The following DMD variants were observed in gnomAD, a reference collection of about 807,000 sequenced individuals.
DMD encodes mutant dystrophin.
A neutral mutation model predicts 330.1 loss-of-function variants in DMD; 63 were observed. The ratio of observed to expected loss-of-function variants is 0.19; its 90% confidence interval spans 0.16 to 0.24. DMD has a LOEUF of 0.24. Ranked by LOEUF, DMD falls within the 10% of genes least tolerant of loss-of-function variation. The probability of loss-of-function intolerance (pLI) is 1.00; values close to 1 mark genes in which losing one functional copy is unlikely to be tolerated. For missense variants in DMD, 3,344 were observed against 2,684.1 expected (o/e 1.25, Z -5.43); for synonymous variants, 1,223 against 959.8 (o/e 1.27, Z -5.07).
chrX:31,736,120 A>C (rs2086856276), intron 51 of DMD, among the ~76,000 whole-genome samples: 1 of 112,040 alleles, frequency 8.9e-6, no homozygotes, highest in Admixed American at 9.5e-5. Flanking sequence ...ATCTTGGCTG[A>C]AGCACTGGTT....
At chrX:31,620,595 AG>A (rs2078475581) in intron 55 of DMD, among the ~76,000 whole-genome samples, 1 of 109,631 alleles carries the variant, frequency 9.1e-6, no homozygotes, top group African/African-American at 3.3e-5. Flanking sequence ...TTGTATTTTT[AG>A]TAGAGACGGG....
chrX:32,752,251 G>A (rs2070922399), intron 7 of DMD, among the ~76,000 whole-genome samples: 1 of 111,437 alleles, frequency 9.0e-6, no homozygotes, highest in Admixed American at 9.5e-5. Flanking sequence ...CAGGAGGGAG[G>A]CTGTACCCTG....
At chrX:33,307,271 T>C (rs1223308903) in intron 1 of DMD, among the ~76,000 whole-genome samples, 1 of 112,128 alleles carries the variant, frequency 8.9e-6, no homozygotes. Context: ...TTCCACCTAA[T>C]AGACTTACAT....
chrX:33,053,560 C>T lies in DMD; in HGVS notation c.32-33360G>A, dbSNP rs151181847. Among the ~76,000 whole-genome samples, 1,074 of 110,164 alleles carry T rather than the reference C, an allele frequency of 9.7e-3. 31 individuals are homozygous for T. The highest frequency in any genetic ancestry group is 0.066 in the Admixed American group (674 of 10,213). On this transcript the variant is annotated intron_variant, in intron 1 of 78. Transcript: ENST00000357033. ...GCAGTGAGCCGAGATCACACCACTG[C>T]ACTCCAGCCTGGGTGACAGAGCAAG...
chrX:31,750,060 G>A (rs1406917486), intron 51 of DMD, among the ~76,000 whole-genome samples: 1 of 110,504 alleles, frequency 9.0e-6, no homozygotes, highest in Non-Finnish European at 1.9e-5. Flanking sequence ...TGTCAGATAA[G>A]CAGGTTGCGA....
intron 43 of DMD, among the ~76,000 whole-genome samples, chrX:32,275,698 T>C (rs1312397800): frequency 8.9e-6 from 1 of 111,863 alleles, no homozygotes; most frequent in East Asian, 2.8e-4. Flanking sequence ...AACTAGTTAC[T>C]TAGTAAATCA....
At chrX:32,736,924 G>GA (rs924492331) in intron 7 of DMD, among the ~76,000 whole-genome samples, 7 of 104,361 alleles carry the variant, frequency 6.7e-5, no homozygotes, top group Non-Finnish European at 9.9e-5. Context: ...AATAATAAAA[G>GA]AAAAAAAAAC....
At chrX:33,171,030 T>G (rs1051569349) in intron 1 of DMD, among the ~76,000 whole-genome samples, 8 of 112,059 alleles carry the variant, frequency 7.1e-5, no homozygotes, top group African/African-American at 2.6e-4. Context: ...AATTGATCTA[T>G]GTGTCAATCC....
chrX:31,869,582 C>T (rs2093857904), intron 48 of DMD, among the ~76,000 whole-genome samples: 1 of 108,604 alleles, frequency 9.2e-6, no homozygotes, highest in Non-Finnish European at 1.9e-5. Flanking sequence ...AGAACTAAAA[C>T]GTGACTGCCC....
chrX:31,519,256 T>G (rs1375463992), intron 55 of DMD, among the ~76,000 whole-genome samples: 1 of 112,114 alleles, frequency 8.9e-6, no homozygotes, highest in East Asian at 2.8e-4. Flanking sequence ...AGCTCTTATT[T>G]CTGGAATCTC....
chrX:32,760,315 C>T (rs1240326171), intron 7 of DMD, among the ~76,000 whole-genome samples: 1 of 100,911 alleles, frequency 9.9e-6, no homozygotes, highest in African/African-American at 3.8e-5. Flanking sequence ...TATTTAACAG[C>T]ATTATTCAAT....
intron 1 of DMD, among the ~76,000 whole-genome samples, chrX:33,026,344 A>AAAAAAAAAAAAAAAAAT (rs2094003214): frequency 1.0e-5 from 1 of 98,842 alleles, no homozygotes; most frequent in Non-Finnish European, 2.0e-5. Context: ...AAAAAAAAAA[A>AAAAAAAAAAAAAAAAAT]AAAGAAAGAA....
intron 7 of DMD, among the ~76,000 whole-genome samples, chrX:32,759,166 C>T (rs1441298636): frequency 8.9e-6 from 1 of 112,036 alleles, no homozygotes; most frequent in East Asian, 2.8e-4. Context: ...TTTACTACTT[C>T]ACAAATAATT....
At chrX:32,815,538 T>C (rs6527225) in intron 6 of DMD, among the ~76,000 whole-genome samples, 6,757 of 73,097 alleles carry the variant, frequency 0.092, 752 homozygotes, top group African/African-American at 0.28. Context: ...CACACACACA[T>C]ATATATACAT....
At chrX:33,064,734 C>A (rs901345670) in intron 1 of DMD, among the ~76,000 whole-genome samples, 3 of 110,215 alleles carry the variant, frequency 2.7e-5, no homozygotes, top group Non-Finnish European at 5.7e-5. Flanking sequence ...ACTAAAAACA[C>A]AAAAATTAGC....
At chrX:32,118,504 T>C (rs2096620805) in intron 44 of DMD, among the ~76,000 whole-genome samples, 1 of 110,727 alleles carries the variant, frequency 9.0e-6, no homozygotes. Context: ...TGGTTATATA[T>C]TGATAACCAA....
At chrX:31,453,779 A>AAC (rs1440480995) in intron 59 of DMD, among the ~76,000 whole-genome samples, 12 of 104,195 alleles carry the variant, frequency 1.2e-4, no homozygotes, top group East Asian at 5.9e-4. Context: ...AAAAAAAAAA[A>AAC]AAAAAAAAAA....
chrX:31,895,498 G>A (rs1170213639), intron 47 of DMD, among the ~76,000 whole-genome samples: 1 of 111,626 alleles, frequency 9.0e-6, no homozygotes, highest in Non-Finnish European at 1.9e-5. Flanking sequence ...CTAATTCTTG[G>A]GATCCTAGTT....
chrX:31,965,383 T>G, intron 45 of DMD, among the ~76,000 whole-genome samples: 1 of 111,683 alleles, frequency 9.0e-6, no homozygotes, highest in Admixed American at 9.5e-5. Context: ...GTAGCACATA[T>G]AATAAGTACT....
Sources: gnomAD v4.1 joint callset for allele counts (sites outside exome capture counted in the v4.1 genomes callset) on GRCh38, gnomAD v4.1.1 for gene constraint, MANE v1.5 for transcripts, NCBI Gene and HGNC (gene_info 2026-07-23, HGNC 2026-07-21) for gene names.